The following RYR3 variants were observed in gnomAD, a reference collection of about 807,000 sequenced individuals.
The protein encoded by RYR3 is ryanodine receptor 3.
A neutral mutation model predicts 584.3 loss-of-function variants in RYR3; 207 were observed. That is an observed-to-expected ratio of 0.35 (90% CI 0.32 to 0.40). RYR3 has a LOEUF of 0.40. Among genes scored for constraint, RYR3 ranks in the 10% least tolerant of loss-of-function variants. RYR3 has a pLI of 1.00. For missense variants in RYR3, 5,616 were observed against 6,089.2 expected (o/e 0.92, Z 2.59); for synonymous variants, 2,416 against 2,248.5 (o/e 1.07, Z -2.11).
intron 17 of RYR3, 52 bp downstream of exon 17, chr15:33,601,604 T>A: frequency 1.9e-6 from 3 of 1,601,616 alleles, no homozygotes; most frequent in Non-Finnish European, 2.6e-6. Flanking sequence ...GCCTGTCTTG[T>A]CCCCAAGCAG....
intron 43 of RYR3, among the ~76,000 whole-genome samples, chr15:33,711,282 C>A (rs112377632): frequency 0.027 from 3,670 of 134,680 alleles, 159 homozygotes; most frequent in African/African-American, 0.1. Context: ...CTCGTTCTGT[C>A]GCCCAGGCTG....
chr15:33,507,857 TG>T (rs1468411970), intron 3 of RYR3, among the ~76,000 whole-genome samples: 1 of 152,076 alleles, frequency 6.6e-6, no homozygotes, highest in Non-Finnish European at 1.5e-5. Context: ...TAGGACTGGG[TG>T]AGAATTAAAT....
chr15:33,420,618 A>C (rs1025244300), intron 1 of RYR3, among the ~76,000 whole-genome samples: 2 of 152,174 alleles, frequency 1.3e-5, no homozygotes, highest in East Asian at 3.8e-4. Context: ...TCAGGGACAG[A>C]TGGAGCACTA....
At chr15:33,741,464 G>A (rs1236650737) in intron 51 of RYR3, among the ~76,000 whole-genome samples, 3 of 117,624 alleles carry the variant, frequency 2.6e-5, no homozygotes, top group African/African-American at 1.0e-4. Flanking sequence ...CTTGGTGACA[G>A]TTCACATAAC....
intron 3 of RYR3, among the ~76,000 whole-genome samples, chr15:33,521,007 G>C (rs1053603061): frequency 6.6e-6 from 1 of 152,164 alleles, no homozygotes; most frequent in South Asian, 2.1e-4. Flanking sequence ...TAGGGCAAAG[G>C]CTCTTATTTT....
chr15:33,580,102 G>T lies in RYR3; in HGVS notation c.1395G>T (p.Lys465Asn). The change falls in exon 13 of 104, where the codon AAG becomes AAT. Residue 465 changes from lysine (K) to asparagine (N), a missense_variant. Coordinates refer to ENST00000634891, the MANE Select transcript of RYR3 (RefSeq NM_001036.6). ...EEMRHEDKQNKLRSLKNRQNL... is the reference protein window; with the variant it reads ...EEMRHEDKQNNLRSLKNRQNL... ...TGCGACATGAAGACAAGCAGAACAA[G>T]CTCCGCTCACTCAAAAACAGACAAA... 1 of 1,612,658 alleles carries T rather than the reference G, an allele frequency of 6.2e-7. No individual in the cohort carries two copies. The highest frequency in any genetic ancestry group is 8.5e-7 in the Non-Finnish European group (1 of 1,179,342).
intron 57 of RYR3, 141 bp downstream of exon 57, chr15:33,750,427 C>A: frequency 2.5e-6 from 2 of 815,124 alleles, no homozygotes; most frequent in Non-Finnish European, 3.7e-6. Context: ...GAACATGAAG[C>A]CCTCTTTTTT....
intron 1 of RYR3, among the ~76,000 whole-genome samples, chr15:33,405,792 G>A (rs750784911): frequency 9.9e-5 from 15 of 152,140 alleles, no homozygotes; most frequent in Non-Finnish European, 1.9e-4. Context: ...TTAATCTAAC[G>A]ATTTAGACAA....
At chr15:33,455,788 T>A (rs2047507403) in intron 1 of RYR3, among the ~76,000 whole-genome samples, 1 of 152,178 alleles carries the variant, frequency 6.6e-6, no homozygotes, top group Admixed American at 6.5e-5. Flanking sequence ...TCTACCTTGT[T>A]AAAGAACAGG....
At chr15:33,335,326 C>CA (rs1391705180) in intron 1 of RYR3, among the ~76,000 whole-genome samples, 2 of 152,222 alleles carry the variant, frequency 1.3e-5, no homozygotes, top group African/African-American at 4.8e-5. Context: ...AGTACATATA[C>CA]ACCATGGAAT....
intron 31 of RYR3, among the ~76,000 whole-genome samples, chr15:33,650,306 G>A (rs981987679): frequency 9.9e-4 from 150 of 152,244 alleles, no homozygotes; most frequent in Non-Finnish European, 1.7e-3. Flanking sequence ...GAACCCAGAA[G>A]GTGAATGTTG....
intron 86 of RYR3, among the ~76,000 whole-genome samples, chr15:33,832,338 C>T (rs1293240626): frequency 2.0e-5 from 3 of 151,298 alleles, no homozygotes; most frequent in Non-Finnish European, 4.4e-5. Flanking sequence ...TTAAAATAAT[C>T]ATATATACTG....
intron 18 of RYR3, among the ~76,000 whole-genome samples, chr15:33,608,330 C>T (rs2060006994): frequency 6.6e-6 from 1 of 152,162 alleles, no homozygotes; most frequent in African/African-American, 2.4e-5. Flanking sequence ...AAAGGATTTG[C>T]ATCTTGTCTA....
chr15:33,560,328 C>A (rs901477970), intron 10 of RYR3, among the ~76,000 whole-genome samples: 1 of 152,164 alleles, frequency 6.6e-6, no homozygotes, highest in Non-Finnish European at 1.5e-5. Flanking sequence ...GTGCCCACTG[C>A]AGTGACTGCC....
intron 60 of RYR3, among the ~76,000 whole-genome samples, chr15:33,764,494 T>C (rs1306149045): frequency 3.3e-5 from 5 of 151,750 alleles, no homozygotes; most frequent in African/African-American, 9.7e-5. Context: ...GGTTGATGGG[T>C]GCAGCAAACT....
intron 38 of RYR3, among the ~76,000 whole-genome samples, chr15:33,671,778 T>C (rs944476201): frequency 1.3e-5 from 2 of 150,936 alleles, no homozygotes; most frequent in Non-Finnish European, 2.9e-5. Context: ...CTTTTGAAAG[T>C]GGTTGCTTCT....
chr15:33,760,066 C>G (rs545941226), intron 60 of RYR3, among the ~76,000 whole-genome samples: 1 of 152,286 alleles, frequency 6.6e-6, no homozygotes, highest in East Asian at 1.9e-4. Context: ...AAATAAAATC[C>G]TTTACAGACA....
chr15:33,805,726 C>A (rs1364296274), intron 69 of RYR3, among the ~76,000 whole-genome samples: 1 of 26,630 alleles, frequency 3.8e-5, no homozygotes, highest in African/African-American at 3.4e-4. Flanking sequence ...ATCCGCCCGC[C>A]TCGGCCTCCC....
rs374667098 is a variant in RYR3 at position 33,441,018 on chromosome 15, A to G, written c.52-32401A>G. ...GAGTCGCTTGGTGTTGTGTGACAGC[A>G]GTTTCTTACCCAGTTACGTACACAG... On this transcript the variant is annotated intron_variant, in intron 1 of 103. Transcript: ENST00000634891. 1.5e-4 allele frequency among the ~76,000 whole-genome samples: 23 copies of G among 152,292 alleles called. No homozygotes were observed. In the East Asian group the frequency reaches 4.0e-3, roughly 27 times the overall value.
Sources: gnomAD v4.1 joint callset for allele counts (sites outside exome capture counted in the v4.1 genomes callset) on GRCh38, gnomAD v4.1.1 for gene constraint, MANE v1.5 for transcripts, NCBI Gene and HGNC (gene_info 2026-07-23, HGNC 2026-07-21) for gene names.